Variants in MAP3K7CL observed in about 807,000 individuals in gnomAD.
MAP3K7CL encodes MAP3K7 C-terminal-like protein.
A neutral mutation model predicts 18.6 loss-of-function variants in MAP3K7CL; 16 were observed. The observed-to-expected ratio is 0.86, with a 90% CI of 0.58 to 1.31. The LOEUF is 1.31. Among genes scored for constraint, MAP3K7CL ranks in the 50% most tolerant of loss-of-function variants. The probability of loss-of-function intolerance (pLI) is 0.00; values close to 1 mark genes in which losing one functional copy is unlikely to be tolerated. For missense variants in MAP3K7CL, 163 were observed against 174.4 expected (o/e 0.93, Z 0.37); for synonymous variants, 65 against 66.8 (o/e 0.97, Z 0.13).
intron 4 of MAP3K7CL, among the ~76,000 whole-genome samples, chr21:29,123,055 C>CTTTTTT (rs1166550061): frequency 1.2e-4 from 11 of 89,338 alleles, no homozygotes; most frequent in Admixed American, 2.8e-4. Flanking sequence ...AAGAAATGAT[C>CTTTTTT]TTTTTTTTTT....
At chr21:29,091,536 T>C (rs1184894215) in exon 2 of MAP3K7CL, 1 of 701,306 alleles carries the variant, frequency 1.4e-6, no homozygotes. Context: ...AATGCAGTGG[T>C]GGAATCATGG....
intron 2 of MAP3K7CL, among the ~76,000 whole-genome samples, chr21:29,146,060 CTT>C (rs554452223): frequency 6.8e-6 from 1 of 146,260 alleles, no homozygotes; most frequent in South Asian, 2.2e-4. Flanking sequence ...AAATGGATAA[CTT>C]TTTTTTTTTT....
chr21:29,085,916 A>C, exon 1 of MAP3K7CL: 1 of 1,614,146 alleles, frequency 6.2e-7, no homozygotes. Flanking sequence ...GCAGATCTTA[A>C]GGTATGTCCG....
upstream of MAP3K7CL, among the ~76,000 whole-genome samples, chr21:29,082,483 G>C (rs1288847610): frequency 1.3e-5 from 2 of 152,182 alleles, no homozygotes; most frequent in Admixed American, 1.3e-4. Context: ...TTGGGGAACA[G>C]TGTTGGCAGG....
chr21:29,161,075 C>T (rs1321773632), intron 4 of MAP3K7CL, among the ~76,000 whole-genome samples: 1 of 152,226 alleles, frequency 6.6e-6, no homozygotes, highest in Non-Finnish European at 1.5e-5. Flanking sequence ...CTTTAGGAGG[C>T]CGAGGCTGGT....
At chr21:29,131,907 A>G (rs189693894) in intron 1 of MAP3K7CL, among the ~76,000 whole-genome samples, 1 of 152,342 alleles carries the variant, frequency 6.6e-6, no homozygotes, top group African/African-American at 2.4e-5. Context: ...GATAGAGGAA[A>G]GTTATGGGAA....
At position 29,159,440 on chromosome 21, in the gene MAP3K7CL, A is replaced by G. The variant is rs367892218; in HGVS notation, c.133-501A>G. 5.3e-5 allele frequency among the ~76,000 whole-genome samples: 8 copies of G among 152,172 alleles called. No homozygotes were observed. The East Asian group carries it at 7.7e-4, about 15-fold the overall frequency. ...TTGCAAGCATTATTTCTGGCTCAGC[A>G]TCTTTCTTTAGCCCAAATGCATTTC... On this transcript the variant is annotated intron_variant, in intron 3 of 4. Transcript: ENST00000399928.
intron 4 of MAP3K7CL, among the ~76,000 whole-genome samples, chr21:29,104,841 A>G (rs1055253537): frequency 3.3e-5 from 5 of 152,314 alleles, no homozygotes; most frequent in Admixed American, 3.3e-4. Flanking sequence ...TCGAAGTGGT[A>G]TCCTTCCTGC....
chr21:29,125,617 TAAAA>T (rs1208409782), intron 4 of MAP3K7CL, among the ~76,000 whole-genome samples: 1 of 152,136 alleles, frequency 6.6e-6, no homozygotes, highest in South Asian at 2.1e-4. Context: ...TCAATTAAAA[TAAAA>T]AGAAGTTCCT....
chr21:29,106,554 G>A (rs1209810643), intron 4 of MAP3K7CL, among the ~76,000 whole-genome samples: 3 of 152,176 alleles, frequency 2.0e-5, no homozygotes, highest in African/African-American at 7.2e-5. Flanking sequence ...CTCTCAGTCT[G>A]GGGCCCTTGC....
chr21:29,164,025 G>A (rs1227557307), intron 4 of MAP3K7CL, among the ~76,000 whole-genome samples: 3 of 151,512 alleles, frequency 2.0e-5, no homozygotes, highest in Non-Finnish European at 4.4e-5. Context: ...GCTCGAACTC[G>A]GGAGGTGGAG....
chr21:29,087,881 C>G (rs2085954972), intron 1 of MAP3K7CL, among the ~76,000 whole-genome samples: 1 of 152,100 alleles, frequency 6.6e-6, no homozygotes, highest in Non-Finnish European at 1.5e-5. Flanking sequence ...GTGTGAGCCA[C>G]CGCGCCCGGT....
upstream of MAP3K7CL, among the ~76,000 whole-genome samples, chr21:29,081,519 C>T (rs1264493721): frequency 1.3e-5 from 2 of 152,140 alleles, no homozygotes; most frequent in Non-Finnish European, 2.9e-5. Context: ...CGCCACTGCG[C>T]TCCAGCCCAG....
chr21:29,174,596 A>C (rs1351765437), intron 4 of MAP3K7CL, 116 bp from the exon 5 acceptor site: 2 of 1,324,340 alleles, frequency 1.5e-6, no homozygotes, highest in African/African-American at 2.9e-5. Flanking sequence ...TAGAGATGGG[A>C]AAAAATTCAG....
At chr21:29,098,657 A>G (rs947336086) in intron 4 of MAP3K7CL, among the ~76,000 whole-genome samples, 1 of 152,242 alleles carries the variant, frequency 6.6e-6, no homozygotes, top group African/African-American at 2.4e-5. Context: ...TAGGACTCAG[A>G]GAGGGCAAAT....
At chr21:29,144,170 C>T (rs895710927) in intron 2 of MAP3K7CL, among the ~76,000 whole-genome samples, 19 of 148,392 alleles carry the variant, frequency 1.3e-4, no homozygotes, top group East Asian at 2.0e-4. Flanking sequence ...TTTTTTGAGA[C>T]GGAGTCTAGC....
upstream of MAP3K7CL, chr21:29,127,935 G>A (rs2086708142): frequency 6.6e-6 from 1 of 152,230 alleles, no homozygotes; most frequent in South Asian, 2.1e-4. Flanking sequence ...GGTTCTTTGA[G>A]AGCCTGATGG....
At chr21:29,130,636 A>G (rs2086761307), upstream of MAP3K7CL, 1 of 985,340 alleles carries the variant, frequency 1.0e-6, no homozygotes, top group Admixed American at 6.1e-5. Context: ...TGCTTTTTCT[A>G]GAAAGATGAC....
intron 4 of MAP3K7CL, among the ~76,000 whole-genome samples, chr21:29,105,293 C>T (rs1026134882): frequency 3.3e-5 from 5 of 152,204 alleles, no homozygotes; most frequent in Non-Finnish European, 5.9e-5. Flanking sequence ...TCATTCTCTT[C>T]CTCCGCCTTC....
Sources: gnomAD v4.1 joint callset for allele counts (sites outside exome capture counted in the v4.1 genomes callset) on GRCh38, gnomAD v4.1.1 for gene constraint, MANE v1.5 for transcripts, NCBI Gene and HGNC (gene_info 2026-07-23, HGNC 2026-07-21) for gene names.